GDAP2: variants seen among roughly 807,000 people sequenced by gnomAD.
GDAP2 encodes the protein ganglioside-induced differentiation-associated protein 2.
A neutral mutation model predicts 67.0 loss-of-function variants in GDAP2; 51 were observed. The ratio of observed to expected loss-of-function variants is 0.76; its 90% CI spans 0.61 to 0.96. GDAP2 has a LOEUF of 0.96. Ranked by LOEUF, GDAP2 falls within the 40% of genes least tolerant of loss-of-function variation. GDAP2 has a pLI of 0.00. For missense variants in GDAP2, 547 were observed against 588.3 expected, an observed-to-expected ratio of 0.93 and a Z score of 0.73; for synonymous variants, 203 against 207.3, an observed-to-expected ratio of 0.98 and a Z score of 0.18.
rs375349197 is a variant in GDAP2 at position 117,870,610 on chromosome 1, C to T, written c.1453G>A (p.Gly485Arg). 9.0e-5 allele frequency: 144 copies of T among 1,597,384 alleles called. No homozygotes were observed. The highest frequency in any genetic ancestry group is 1.7e-4 in the Middle Eastern group (1 of 6,044). Residue 485 changes from glycine to arginine, a missense_variant, in exon 14 of 14, where the codon GGG becomes AGG. Transcript: ENST00000369443. ...GGGGGATATGATGTATAGTAAGGCC[C>T]GTTTTCCTGTGGAAAGAAAAAAGGA... ...FVLEYDAREN[G>R]PYYTSYPPSP...
rs1036080474 is a variant in GDAP2 at position 117,866,697 on chromosome 1, T to C, written c.*3872A>G. 1.3e-5 allele frequency: 2 copies of C among 151,782 alleles called. No homozygotes were observed. Among genetic ancestry groups the C allele is most frequent in the Non-Finnish European group, 2.9e-5 (2 of 67,960 alleles). 9.4% of individuals were successfully genotyped at this position (151,782 alleles called of 1,614,324 possible). ...GGTGAAACCCCGTCTCTACTAAAAA[T>C]ACAAAAATTAGCCGGGCATGGTGGT... On this transcript the variant is annotated 3_prime_UTR_variant, in exon 14 of 14. Coordinates refer to ENST00000369443, the MANE Select transcript of GDAP2 (RefSeq NM_017686.4).
At chr1:117,891,116 C>T (rs1015035086) in intron 8 of GDAP2, among the ~76,000 whole-genome samples, 2 of 149,860 alleles carry the variant, frequency 1.3e-5, no homozygotes, top group African/African-American at 4.9e-5. Context: ...TTGGATATGG[C>T]ATACTTAATC....
chr1:117,924,510 T>G (rs1171445086), intron 1 of GDAP2, among the ~76,000 whole-genome samples: 1 of 152,222 alleles, frequency 6.6e-6, no homozygotes, highest in Non-Finnish European at 1.5e-5. Context: ...ACGTTTGTTG[T>G]CAAACAAAAC....
intron 13 of GDAP2, among the ~76,000 whole-genome samples, chr1:117,872,743 C>A (rs1648334848): frequency 6.6e-6 from 1 of 152,006 alleles, no homozygotes; most frequent in Admixed American, 6.6e-5. Flanking sequence ...GGGCTTAATA[C>A]CTAGGTGATG....
chr1:117,925,057 T>G (rs1650396128), intron 1 of GDAP2, among the ~76,000 whole-genome samples: 1 of 152,182 alleles, frequency 6.6e-6, no homozygotes. Flanking sequence ...AAACACAGTT[T>G]TCAGTTTGTA....
chr1:117,917,651 T>C (rs1455073590), intron 3 of GDAP2, among the ~76,000 whole-genome samples: 2 of 152,206 alleles, frequency 1.3e-5, no homozygotes, highest in Non-Finnish European at 2.9e-5. Flanking sequence ...AGTTATAACA[T>C]GAATCTCAGC....
At chr1:117,895,710 CT>C (rs1472817988) in intron 8 of GDAP2, among the ~76,000 whole-genome samples, 4 of 152,158 alleles carry the variant, frequency 2.6e-5, no homozygotes, top group Non-Finnish European at 4.4e-5. Flanking sequence ...TTGGTGCCCC[CT>C]AGTGGCTCAT....
chr1:117,891,355 A>G (rs925716246), intron 8 of GDAP2, among the ~76,000 whole-genome samples: 6 of 151,632 alleles, frequency 4.0e-5, no homozygotes, highest in Non-Finnish European at 8.8e-5. Context: ...ATAAGGACAA[A>G]CCTCTTTTCC....
intron 10 of GDAP2, among the ~76,000 whole-genome samples, chr1:117,883,980 T>C (rs186500887): frequency 1.7e-3 from 259 of 152,328 alleles, no homozygotes; most frequent in African/African-American, 5.9e-3. Context: ...GACAATGATA[T>C]CGAAATCATT....
rs12122708 is a variant in GDAP2, at chr1:117,914,325, T to C, written c.317-1642A>G. Among the ~76,000 whole-genome samples the C allele has an allele frequency of 3.7e-3, 565 of 152,214 alleles. 3 individuals carry two copies. The highest frequency in any genetic ancestry group is 5.6e-3 in the Non-Finnish European group (380 of 68,014). On this transcript the variant is annotated intron_variant, in intron 3 of 13. Transcript: ENST00000369443. ...GGAAATGGCACTTATGTAACTGCTA[T>C]AGCCAAGTGAAAAATATGACAGCAG... is the stretch of plus-strand genomic sequence containing the variant.
Position 117,912,053 on chromosome 1 carries a change from C to T in GDAP2, c.500G>A (p.Cys167Tyr). The change falls in exon 5 of 14, where the codon TGT becomes TAT. Residue 167 changes from cysteine to tyrosine, a missense_variant. Physicochemically the swap from Cys to Tyr is radical, Grantham distance 194. Transcript: ENST00000369443. ...ACCACGTTTTGCAGAATTGATGACA[C>T]AGAAGCCAACAGAAGACATTGACTG... Reference protein sequence around the residue: ...KEQSMSSVGFCVINSAKRGYP... With the variant: ...KEQSMSSVGFYVINSAKRGYP... The T allele has an allele frequency of 6.2e-7, 1 of 1,609,764 alleles. No individual in the cohort carries two copies. Among genetic ancestry groups the T allele is most frequent in the East Asian group, 2.2e-5 (1 of 44,836 alleles).
intron 10 of GDAP2, among the ~76,000 whole-genome samples, chr1:117,885,564 T>C (rs1648823518): frequency 6.6e-6 from 1 of 152,188 alleles, no homozygotes; most frequent in South Asian, 2.1e-4. Context: ...ACCATAATTA[T>C]CTGTGAGGAA....
At chr1:117,884,828 G>GTGTC (rs1648792156) in intron 10 of GDAP2, among the ~76,000 whole-genome samples, 1 of 151,836 alleles carries the variant, frequency 6.6e-6, no homozygotes, top group Non-Finnish European at 1.5e-5. Context: ...GTGTGTGTGT[G>GTGTC]TGTGTGTGTG....
At chr1:117,904,508 A>G (rs975296948) in intron 6 of GDAP2, among the ~76,000 whole-genome samples, 2 of 152,230 alleles carry the variant, frequency 1.3e-5, no homozygotes, top group Admixed American at 6.5e-5. Flanking sequence ...GTTTTTCATT[A>G]TCCCTTTATT....
At chr1:117,901,159 G>A (rs1323602174) in intron 6 of GDAP2, among the ~76,000 whole-genome samples, 1 of 152,204 alleles carries the variant, frequency 6.6e-6, no homozygotes, top group Non-Finnish European at 1.5e-5. Context: ...GTTCACCCAT[G>A]TTGTAGCATG....
chr1:117,912,813 A>T, intron 3 of GDAP2, 130 bp from the exon 4 acceptor site: 1 of 739,908 alleles, frequency 1.4e-6, no homozygotes, highest in Non-Finnish European at 2.3e-6. Context: ...GACTGAACAC[A>T]AGCATTTATC....
intron 5 of GDAP2, among the ~76,000 whole-genome samples, chr1:117,909,150 A>G (rs1421666251): frequency 6.6e-6 from 1 of 152,206 alleles, no homozygotes; most frequent in Non-Finnish European, 1.5e-5. Context: ...GTGCTTAAAT[A>G]CCTAGTGAAT....
chr1:117,889,323 T>G (rs1648986730), intron 8 of GDAP2, among the ~76,000 whole-genome samples: 1 of 151,830 alleles, frequency 6.6e-6, no homozygotes, highest in Non-Finnish European at 1.5e-5. Flanking sequence ...CATTTTTTTT[T>G]GGTGAGAACA....
At chr1:117,923,871 AT>A (rs752440777) in intron 1 of GDAP2, among the ~76,000 whole-genome samples, 1 of 152,266 alleles carries the variant, frequency 6.6e-6, no homozygotes, top group Non-Finnish European at 1.5e-5. Flanking sequence ...CATTTAAGAC[AT>A]TTTAATGTAT....
Sources: gnomAD v4.1 joint callset for allele counts (sites outside exome capture counted in the v4.1 genomes callset) on GRCh38, gnomAD v4.1.1 for gene constraint, MANE v1.5 for transcripts, NCBI Gene and HGNC (gene_info 2026-07-23, HGNC 2026-07-21) for gene names.